TBC1D9: variants seen among roughly 807,000 people sequenced by gnomAD.
TBC1D9 encodes TBC1 domain family member 9, also known as TBC1 domain family member 9A.
In TBC1D9, 63 loss-of-function variants were observed where a neutral mutation model predicts 132.0. The ratio of observed to expected loss-of-function variants is 0.48; its 90% CI spans 0.39 to 0.59. The LOEUF is 0.59. Ranked by LOEUF, TBC1D9 falls within the 20% of genes least tolerant of loss-of-function variation. TBC1D9 has a pLI of 0.00. For missense variants in TBC1D9, 1,261 were observed against 1,592.7 expected, an observed-to-expected ratio of 0.79 and a Z score of 3.54; for synonymous variants, 610 against 609.9, an observed-to-expected ratio of 1.00 and a Z score of 0.00.
At chr4:140,641,105 C>CAGAAAAAAAAAAAAAAAAAAAAAA (rs1736984560) in intron 13 of TBC1D9, among the ~76,000 whole-genome samples, 1 of 59,780 alleles carries the variant, frequency 1.7e-5, no homozygotes, top group Non-Finnish European at 3.1e-5. Flanking sequence ...AAAAAAAAAA[C>CAGAAAAAAAAAAAAAAAAAAAAAA]AAAAAAAAAC....
chr4:140,703,232 T>C (rs1186572825), intron 1 of TBC1D9, among the ~76,000 whole-genome samples: 1 of 152,234 alleles, frequency 6.6e-6, no homozygotes, highest in African/African-American at 2.4e-5. Flanking sequence ...CTCAGTGCCA[T>C]ATTGCAGGCT....
intron 1 of TBC1D9, among the ~76,000 whole-genome samples, chr4:140,741,412 G>C (rs1003682771): frequency 2.0e-5 from 3 of 152,094 alleles, no homozygotes; most frequent in African/African-American, 7.2e-5. Context: ...CACCTTTTAA[G>C]ATCTGATCAG....
At chr4:140,642,180 T>C (rs1737011430) in intron 13 of TBC1D9, 2 of 766,656 alleles carry the variant, frequency 2.6e-6, no homozygotes, top group Non-Finnish European at 4.8e-6. Context: ...AGGCATCAGT[T>C]TGGAGCTAGC....
Position 140,639,311 on chromosome 4 carries a change from T to C in TBC1D9, c.2436+19A>G. On this transcript the variant is annotated intron_variant, in intron 14 of 20. Transcript: ENST00000442267. ...AAGGAAGATGACAGAGGTTGCCTGC[T>C]ACTTCTTAAAGGACTTACCACGTTG... 1 of 1,591,498 alleles carries C rather than the reference T, an allele frequency of 6.3e-7. No homozygotes were observed. The highest frequency in any genetic ancestry group is 1.7e-4 in the Middle Eastern group (1 of 6,030).
At chr4:140,636,572 G>A (rs1736884655) in intron 15 of TBC1D9, among the ~76,000 whole-genome samples, 1 of 151,876 alleles carries the variant, frequency 6.6e-6, no homozygotes, top group Non-Finnish European at 1.5e-5. Context: ...ATATTTTTTA[G>A]TGATGGGTCT....
Position 140,713,846 on chromosome 4 carries a change from A to G in TBC1D9, c.131-12232T>C, listed in dbSNP as rs117811633. ...TTTATAATTTGTACAATGTACATGTATTATAATCAAATAATGAACCACTAG... is the reference window on the plus strand; with the variant it reads ...TTTATAATTTGTACAATGTACATGTGTTATAATCAAATAATGAACCACTAG... On this transcript the variant is annotated intron_variant, in intron 1 of 20. Transcript: ENST00000442267. 1.0e-3 allele frequency among the ~76,000 whole-genome samples: 157 copies of G among 152,308 alleles called. 4 individuals carry two copies. In the East Asian group the frequency reaches 0.023, roughly 23 times the overall value.
At chr4:140,635,188 A>G (rs1244209216) in intron 15 of TBC1D9, among the ~76,000 whole-genome samples, 1 of 152,188 alleles carries the variant, frequency 6.6e-6, no homozygotes, top group East Asian at 1.9e-4. Context: ...AGAAAAAAAA[A>G]ACACCTTTGG....
chr4:140,635,148 T>G (rs569981663), intron 15 of TBC1D9, among the ~76,000 whole-genome samples: 1 of 152,204 alleles, frequency 6.6e-6, no homozygotes, highest in South Asian at 2.1e-4. Flanking sequence ...GTCTGAATAT[T>G]TCACTATAAG....
intron 4 of TBC1D9, 46 bp from the exon 5 acceptor site, chr4:140,679,249 C>A: frequency 6.3e-7 from 1 of 1,578,778 alleles, no homozygotes; most frequent in Non-Finnish European, 8.6e-7. Flanking sequence ...TTCCTGAAAA[C>A]GCTTTCAAGA....
At chr4:140,692,462 C>A (rs1258185308) in intron 2 of TBC1D9, among the ~76,000 whole-genome samples, 7 of 152,112 alleles carry the variant, frequency 4.6e-5, no homozygotes, top group South Asian at 2.1e-4. Context: ...ACTGGAGCAA[C>A]CTTTAATCTG....
At chr4:140,622,986 T>G in intron 20 of TBC1D9, 69 bp from the exon 21 acceptor site, 10 of 1,432,562 alleles carry the variant, frequency 7.0e-6, no homozygotes, top group Non-Finnish European at 9.1e-6. Flanking sequence ...TGAAGTGGAC[T>G]GTAAAGCCAT....
intron 3 of TBC1D9, among the ~76,000 whole-genome samples, chr4:140,681,180 T>C (rs1737697762): frequency 1.3e-5 from 2 of 152,160 alleles, no homozygotes. Flanking sequence ...CCTGAACATG[T>C]CATTTCTGCA....
intron 13 of TBC1D9, among the ~76,000 whole-genome samples, chr4:140,656,511 C>G (rs1328506501): frequency 1.3e-5 from 2 of 152,152 alleles, no homozygotes; most frequent in Non-Finnish European, 2.9e-5. Context: ...CAAGTTAGCT[C>G]ACTACAACCT....
chr4:140,660,451 T>A (rs1482840443), intron 10 of TBC1D9, among the ~76,000 whole-genome samples: 1 of 152,282 alleles, frequency 6.6e-6, no homozygotes, highest in East Asian at 1.9e-4. Flanking sequence ...CTTCTACAAT[T>A]CAATTTCAAA....
Position 140,726,306 on chromosome 4 carries a change from A to T in TBC1D9, c.131-24692T>A, listed in dbSNP as rs148671182. On this transcript the variant is annotated intron_variant, in intron 1 of 20. Coordinates refer to ENST00000442267, the MANE Select transcript of TBC1D9 (RefSeq NM_015130.3). Reference sequence around the variant, plus strand: ...TCCGCCTCAGAAAAAAAAAAATTTTAAAAATTTTAAAAAGTATATTTGTGC... The same window carrying T: ...TCCGCCTCAGAAAAAAAAAAATTTTTAAAATTTTAAAAAGTATATTTGTGC... Among the ~76,000 whole-genome samples the T allele has an allele frequency of 5.1e-3, 780 of 152,244 alleles. 7 individuals carry two copies. The highest frequency in any genetic ancestry group is 0.012 in the African/African-American group (504 of 41,534).
chr4:140,622,939 C>T, intron 20 of TBC1D9, 22 bp from the exon 21 acceptor site: 1 of 1,492,418 alleles, frequency 6.7e-7, no homozygotes, highest in Non-Finnish European at 8.9e-7. Context: ...TTTGGAAAAA[C>T]ACAATGTGAA....
At chr4:140,739,158 A>G (rs903853433) in intron 1 of TBC1D9, among the ~76,000 whole-genome samples, 1 of 152,094 alleles carries the variant, frequency 6.6e-6, no homozygotes, top group African/African-American at 2.4e-5. Context: ...CACCATGCCA[A>G]CTGTGTATTA....
intron 13 of TBC1D9, chr4:140,642,088 G>A (rs1737009257): frequency 2.8e-6 from 2 of 714,902 alleles, no homozygotes; most frequent in African/African-American, 1.7e-5. Flanking sequence ...GGCGGAGGAG[G>A]GGGTGTGTGC....
At chr4:140,643,224 A>G in intron 13 of TBC1D9, 1 of 1,351,474 alleles carries the variant, frequency 7.4e-7, no homozygotes, top group Non-Finnish European at 1.0e-6. Flanking sequence ...CGCACCTCCC[A>G]CCTTCTTGCT....
Sources: allele counts gnomAD v4.1 joint callset (sites outside exome capture counted in the v4.1 genomes callset), GRCh38; gene constraint gnomAD v4.1.1; transcripts MANE v1.5; gene names NCBI Gene and HGNC (gene_info 2026-07-23, HGNC 2026-07-21).